Variants in CSMD2 observed in about 807,000 individuals in gnomAD.
CSMD2 encodes CUB and Sushi multiple domains 2, also known as CUB and sushi domain-containing protein 2.
Under a neutral mutation model 398.5 loss-of-function variants are expected in CSMD2, and 130 were observed. That is an observed-to-expected ratio of 0.33 (90% CI 0.28 to 0.38). The LOEUF (loss-of-function observed/expected upper bound fraction) is 0.38. Ranked by LOEUF, CSMD2 falls within the 10% of genes least tolerant of loss-of-function variation. The pLI, the probability that CSMD2 is intolerant of heterozygous loss-of-function variation, is 1.00. For missense variants in CSMD2, 3,829 were observed against 4,764.9 expected, an observed-to-expected ratio of 0.80 and a Z score of 5.78; for synonymous variants, 1,828 against 1,908.5, an observed-to-expected ratio of 0.96 and a Z score of 1.10.
chr1:33,587,005 A>C, intron 45 of CSMD2, 83 bp downstream of exon 45: 1 of 1,057,232 alleles, frequency 9.5e-7, no homozygotes, highest in South Asian at 1.6e-5. Flanking sequence ...GATAAGGTCC[A>C]CTGGCCCGAC....
At chr1:33,794,148 AC>A (rs1654670179) in intron 10 of CSMD2, among the ~76,000 whole-genome samples, 1 of 152,136 alleles carries the variant, frequency 6.6e-6, no homozygotes. Flanking sequence ...CCTGCCAGGG[AC>A]CCTGCAGAGC....
intron 1 of CSMD2, among the ~76,000 whole-genome samples, chr1:34,138,228 A>T (rs1356398556): frequency 6.6e-6 from 1 of 152,186 alleles, no homozygotes; most frequent in East Asian, 1.9e-4. Context: ...GTCCCAGATC[A>T]AGGTTTTAAG....
At position 33,739,278 on chromosome 1, in the gene CSMD2, C is replaced by T; in HGVS notation, c.2230G>A (p.Gly744Arg). 6.2e-7 allele frequency: 1 copy of T among 1,614,130 alleles called. No homozygotes were observed. Among genetic ancestry groups the T allele is most frequent in the Non-Finnish European group, 8.5e-7 (1 of 1,179,994 alleles). Residue 744 changes from glycine to arginine, a missense_variant, in exon 15 of 71, where the codon GGG becomes AGG. By Grantham distance (125) the Gly-to-Arg change is moderately radical. This residue lies in a region of CSMD2 where 2,001 missense variants were observed against 2,567.1 expected (regional missense o/e 0.78). Coordinates refer to ENST00000373381, the MANE Select transcript of CSMD2 (RefSeq NM_001281956.2). ...PGVPVNGKRF[G>R]DSLQLGSSIS... ...GAGCTGCCCAGCTGGAGGCTGTCCC[C>T]AAACCGTTTGCCATTTACTGGAACG... is the stretch of plus-strand genomic sequence containing the variant.
chr1:33,980,219 T>G (rs112402659), intron 3 of CSMD2, among the ~76,000 whole-genome samples: 1 of 152,128 alleles, frequency 6.6e-6, no homozygotes, highest in African/African-American at 2.4e-5. Flanking sequence ...CCTGGCATGG[T>G]CCTTAGGGAT....
intron 6 of CSMD2, among the ~76,000 whole-genome samples, chr1:33,836,934 T>G (rs1021924595): frequency 2.0e-5 from 3 of 152,180 alleles, no homozygotes; most frequent in Non-Finnish European, 4.4e-5. Context: ...AATGCAGAAA[T>G]CATTCATCTT....
In CSMD2 at chr1:34,164,773, G is replaced by C; in HGVS notation, c.187+138C>G. ...GACGGAGGCAGGGATGAGAATGAGA[G>C]TAGGCAACTGGGAGGGTGGGAGATT... On this transcript the variant is annotated intron_variant, in intron 1 of 70. Coordinates refer to ENST00000373381, the MANE Select transcript of CSMD2 (RefSeq NM_001281956.2). This position sits in a 1 kb window ranked among gnomAD's most constrained non-coding sequence, Gnocchi z 6.2. 1.3e-6 allele frequency: 1 copy of C among 742,776 alleles called. No individual in the cohort carries two copies. The highest frequency in any genetic ancestry group is 1.8e-6 in the Non-Finnish European group (1 of 554,484). 46.0% of individuals were successfully genotyped at this position (742,776 alleles called of 1,614,324 possible). A position where few individuals can be genotyped will look rare whatever the true frequency, so the allele number is the denominator to read the frequency against.
intron 54 of CSMD2, among the ~76,000 whole-genome samples, chr1:33,558,990 A>G (rs1468485386): frequency 6.6e-6 from 1 of 152,244 alleles, no homozygotes; most frequent in Non-Finnish European, 1.5e-5. Context: ...GAGAAAAATA[A>G]ACCTCTGTTA....
intron 2 of CSMD2, among the ~76,000 whole-genome samples, chr1:34,043,701 G>A (rs557226814): frequency 2.6e-5 from 4 of 152,194 alleles, no homozygotes; most frequent in Non-Finnish European, 5.9e-5. Flanking sequence ...TCTGGCATCT[G>A]GGAACCGGGA....
intron 3 of CSMD2, among the ~76,000 whole-genome samples, chr1:33,989,269 A>T (rs1422940907): frequency 6.6e-6 from 1 of 151,914 alleles, no homozygotes; most frequent in Admixed American, 6.6e-5. Flanking sequence ...GGGAAATGAA[A>T]ATTAAAACCA....
At chr1:33,971,077 T>C (rs991139656) in intron 3 of CSMD2, among the ~76,000 whole-genome samples, 1 of 152,126 alleles carries the variant, frequency 6.6e-6, no homozygotes, top group Admixed American at 6.5e-5. Flanking sequence ...AGAACCATTA[T>C]CATTATCATT....
intron 60 of CSMD2, among the ~76,000 whole-genome samples, chr1:33,539,084 CA>C (rs1240496547): frequency 6.6e-6 from 1 of 152,142 alleles, no homozygotes; most frequent in East Asian, 1.9e-4. Context: ...TCTCCTGCCC[CA>C]ACCTCCCGAG....
intron 44 of CSMD2, chr1:33,599,468 A>G (rs1327031072): frequency 6.6e-6 from 1 of 152,220 alleles, no homozygotes; most frequent in East Asian, 1.9e-4. Flanking sequence ...GTTTCATTTA[A>G]CTTTAGGAGG....
chr1:33,856,019 T>A (rs1423174774), intron 5 of CSMD2, among the ~76,000 whole-genome samples: 1 of 152,220 alleles, frequency 6.6e-6, no homozygotes, highest in African/African-American at 2.4e-5. Context: ...AACATGGGCA[T>A]GCAACGTAAC....
At chr1:33,893,583 C>T (rs1385492726) in intron 5 of CSMD2, among the ~76,000 whole-genome samples, 1 of 152,184 alleles carries the variant, frequency 6.6e-6, no homozygotes, top group Admixed American at 6.5e-5. Context: ...ATAAAGCCTC[C>T]AAGTGGGAGT....
intron 3 of CSMD2, among the ~76,000 whole-genome samples, chr1:33,963,330 T>C (rs1645435852): frequency 6.6e-6 from 1 of 152,262 alleles, no homozygotes; most frequent in Admixed American, 6.5e-5. Flanking sequence ...TTCCGATTTA[T>C]TTGGTCTTGG....
intron 25 of CSMD2, among the ~76,000 whole-genome samples, chr1:33,671,648 C>T (rs927496941): frequency 6.6e-5 from 10 of 152,132 alleles, no homozygotes; most frequent in African/African-American, 2.2e-4. Flanking sequence ...CCCTCACTCC[C>T]GTACCTCTTC....
chr1:33,806,578 T>C (rs1656254957), intron 10 of CSMD2, among the ~76,000 whole-genome samples: 1 of 151,994 alleles, frequency 6.6e-6, no homozygotes, highest in Non-Finnish European at 1.5e-5. Flanking sequence ...AGAATCAAAT[T>C]TGCAAAAACT....
intron 3 of CSMD2, among the ~76,000 whole-genome samples, chr1:33,992,267 A>G (rs1646579060): frequency 6.6e-6 from 1 of 152,152 alleles, no homozygotes; most frequent in South Asian, 2.1e-4. Flanking sequence ...GATGGTACTC[A>G]TGACAGTACG....
At chr1:33,989,010 CTCCATATATATATATA>C (rs1314157043) in intron 3 of CSMD2, among the ~76,000 whole-genome samples, 1 of 106,626 alleles carries the variant, frequency 9.4e-6, no homozygotes, top group African/African-American at 3.9e-5. Flanking sequence ...CTCTCTCTCT[CTCCATATATATATATA>C]TATATATATA....
Sources: allele counts gnomAD v4.1 joint callset (sites outside exome capture counted in the v4.1 genomes callset), GRCh38; gene constraint gnomAD v4.1.1; regional missense constraint gnomAD v4.1.1; non-coding constraint Gnocchi (gnomAD v3.1); transcripts MANE v1.5; gene names NCBI Gene and HGNC (gene_info 2026-07-23, HGNC 2026-07-21).